The following NHLRC2 variants were observed in gnomAD, a reference collection of about 807,000 sequenced individuals.
The protein encoded by NHLRC2 is NHL repeat-containing protein 2.
Under a neutral mutation model 68.1 loss-of-function variants are expected in NHLRC2, and 33 were observed. The ratio of observed to expected loss-of-function variants is 0.48; its 90% confidence interval spans 0.37 to 0.65. The LOEUF (loss-of-function observed/expected upper bound fraction) is 0.65, where lower values mean the gene tolerates loss of function less well. NHLRC2 is among the 30% of genes least tolerant of loss of function. The pLI is 0.00. For missense variants in NHLRC2, 761 were observed against 853.8 expected, an observed-to-expected ratio of 0.89 and a Z score of 1.35; for synonymous variants, 311 against 309.6, an observed-to-expected ratio of 1.00 and a Z score of -0.05.
At chr10:113,900,132 T>C (rs989944902) in intron 6 of NHLRC2, among the ~76,000 whole-genome samples, 1 of 152,100 alleles carries the variant, frequency 6.6e-6, no homozygotes, top group Admixed American at 6.5e-5. Context: ...GTGAGTACTT[T>C]TAGGGATCTG....
chr10:113,898,554 T>G (rs925269876), intron 6 of NHLRC2, among the ~76,000 whole-genome samples: 2 of 152,178 alleles, frequency 1.3e-5, no homozygotes, highest in African/African-American at 4.8e-5. Flanking sequence ...ACTTACATTT[T>G]ATCAGCCAGA....
chr10:113,870,831 AATAG>A (rs1043885758), intron 2 of NHLRC2, among the ~76,000 whole-genome samples: 14 of 152,214 alleles, frequency 9.2e-5, no homozygotes, highest in African/African-American at 2.6e-4. Flanking sequence ...TTACCAATCT[AATAG>A]ATAGGAAGTG....
At chr10:113,877,069 CTAAT>C (rs1239859009) in intron 3 of NHLRC2, 93 bp downstream of exon 3, 5 of 755,982 alleles carry the variant, frequency 6.6e-6, no homozygotes, top group Non-Finnish European at 1.0e-5. Context: ...TAAATGAAAA[CTAAT>C]TATAGAAAAG....
chr10:113,898,204 G>A lies in NHLRC2; in HGVS notation c.1134G>A (p.Lys378=). 6.2e-7 allele frequency: 1 copy of A among 1,603,806 alleles called. No individual in the cohort carries two copies. The highest frequency in any genetic ancestry group is 8.5e-7 in the Non-Finnish European group (1 of 1,170,782). ...TGCTGGACTCTGGCAAACTGCCAAA[G>A]AAAAAGTAAGTGACAGCCTCTCTCT... The part of the protein sequence containing the change: ...ALLLDSGKLP[K]KNELTKGTCL... Residue 378 remains lysine (K), a synonymous_variant, in exon 6 of 11, where the codon AAG becomes AAA. Transcript: ENST00000369301.
Position 113,854,838 on chromosome 10 carries a change from G to C in NHLRC2, c.-35G>C, listed in dbSNP as rs925863416. On this transcript the variant is annotated 5_prime_UTR_variant, in exon 1 of 11. Coordinates refer to ENST00000369301, the MANE Select transcript of NHLRC2 (RefSeq NM_198514.4). ...GTCTCTCCCAGCGAGACTCTCCCGC[G>C]GGCCCGGCGGCCGCATCGGGAGCCC... 4.6e-6 allele frequency: 7 copies of C among 1,519,910 alleles called. No individual in the cohort carries two copies. Among genetic ancestry groups the C allele is most frequent in the Non-Finnish European group, 6.2e-6 (7 of 1,133,628 alleles). The allele number at this position is 1,519,910 out of a possible 1,614,324, so 94.2% of individuals were successfully genotyped here.
chr10:113,911,936 C>T lies in NHLRC2; in HGVS notation c.*3400C>T, dbSNP rs888029004. The T allele has an allele frequency of 1.3e-5, 2 of 151,820 alleles. No individual in the cohort carries two copies. The highest frequency in any genetic ancestry group is 4.8e-5 in the African/African-American group (2 of 41,338). The allele number at this position is 151,820 out of a possible 1,614,324, so 9.4% of individuals were successfully genotyped here. On this transcript the variant is annotated 3_prime_UTR_variant, in exon 11 of 11. Coordinates refer to ENST00000369301, the MANE Select transcript of NHLRC2 (RefSeq NM_198514.4). Reference sequence around the variant, plus strand: ...TTTAAAATCACGGTGGGGGGAAACCCATAAAGTTTAAAGAGTTAAAGTTAA... The same window carrying T: ...TTTAAAATCACGGTGGGGGGAAACCTATAAAGTTTAAAGAGTTAAAGTTAA...
chr10:113,896,416 A>T (rs1165487020), intron 5 of NHLRC2, among the ~76,000 whole-genome samples: 1 of 151,330 alleles, frequency 6.6e-6, no homozygotes, highest in Admixed American at 6.6e-5. Flanking sequence ...TATGGCAAGA[A>T]CAAAAAACCA....
At position 113,916,751 on chromosome 10, in the gene NHLRC2, T is replaced by C. The variant is rs913698722; in HGVS notation, c.*8215T>C. On this transcript the variant is annotated 3_prime_UTR_variant, in exon 11 of 11. Transcript: ENST00000369301. The stretch of plus-strand genomic sequence containing the variant: ...AAGTTTATGGTTTCATTTCTGAGAA[T>C]AGAGTTGGTCTGCTGTGCTAACTTC... 1.3e-5 allele frequency: 2 copies of C among 152,338 alleles called. No homozygotes were observed. The highest frequency in any genetic ancestry group is 2.1e-4 in the South Asian group (1 of 4,834). 9.4% of individuals were successfully genotyped at this position (152,338 alleles called of 1,614,324 possible). A position where few individuals can be genotyped will look rare whatever the true frequency, so the allele number is the denominator to read the frequency against.
intron 5 of NHLRC2, 144 bp downstream of exon 5, chr10:113,884,524 T>C (rs908915572): frequency 1.3e-5 from 7 of 520,362 alleles, no homozygotes; most frequent in Non-Finnish European, 2.3e-5. Context: ...TTGTTAATTG[T>C]GTAAAAACAA....
chr10:113,902,946 A>G (rs1290503331), intron 8 of NHLRC2, among the ~76,000 whole-genome samples: 1 of 152,238 alleles, frequency 6.6e-6, no homozygotes, highest in Non-Finnish European at 1.5e-5. Flanking sequence ...GCTGTTGCAT[A>G]GTTACAGTGC....
intron 2 of NHLRC2, among the ~76,000 whole-genome samples, chr10:113,860,541 G>A (rs1466079958): frequency 6.6e-6 from 1 of 151,994 alleles, no homozygotes; most frequent in African/African-American, 2.4e-5. Flanking sequence ...GAACAGGGAA[G>A]TACAGCCCAT....
intron 10 of NHLRC2, among the ~76,000 whole-genome samples, 197 bp downstream of exon 10, chr10:113,905,233 AC>A (rs1449195218): frequency 6.6e-6 from 1 of 152,230 alleles, no homozygotes; most frequent in Non-Finnish European, 1.5e-5. Flanking sequence ...TTATTAAAGA[AC>A]AGTGTAACTC....
rs756660590 is a variant in NHLRC2 at position 113,901,699 on chromosome 10, T to A, written c.1173T>A (p.Ala391=). The change falls in exon 7 of 11, where the codon GCT becomes GCA. Residue 391 remains alanine, a synonymous_variant. Coordinates refer to ENST00000369301, the MANE Select transcript of NHLRC2 (RefSeq NM_198514.4). ...ELTKGTCLRF[A]GSGNEENRNN... is the part of the protein sequence containing the mutation. ...CAAAAGGAACCTGCCTTAGGTTTGC[T>A]GGAAGTGGAAATGAAGAGAATCGAA... 6.2e-7 allele frequency: 1 copy of A among 1,614,166 alleles called. No homozygotes were observed. The highest frequency in any genetic ancestry group is 1.1e-5 in the South Asian group (1 of 91,084).
In NHLRC2 at chr10:113,911,650, A is replaced by G. The variant is rs902021337; in HGVS notation, c.*3114A>G. On this transcript the variant is annotated 3_prime_UTR_variant, in exon 11 of 11. Transcript: ENST00000369301. ...ATTTAGGAAGTTATTAAAAATACATATCTCTATAATGTAATAGTTTTCTGC... is the reference window on the plus strand; with the variant it reads ...ATTTAGGAAGTTATTAAAAATACATGTCTCTATAATGTAATAGTTTTCTGC... 2 of 152,156 alleles carry G rather than the reference A, an allele frequency of 1.3e-5. No homozygotes were observed. Among genetic ancestry groups the G allele is most frequent in the African/African-American group, 4.8e-5 (2 of 41,452 alleles). 9.4% of individuals were successfully genotyped at this position (152,156 alleles called of 1,614,324 possible). A position where few individuals can be genotyped will look rare whatever the true frequency, so the allele number is the denominator to read the frequency against.
rs192607390 is a variant in NHLRC2, at chr10:113,854,784, T to C, written c.-89T>C. On this transcript the variant is annotated 5_prime_UTR_variant, in exon 1 of 11. Coordinates refer to ENST00000369301, the MANE Select transcript of NHLRC2 (RefSeq NM_198514.4). ...AGTGGAGGGTGAGGTGAATGCGCCG[T>C]TTGGAAACCACAGGACAGTGAACGT... 14 of 1,168,078 alleles carry C rather than the reference T, an allele frequency of 1.2e-5. No homozygotes were observed. The highest frequency in any genetic ancestry group is 8.5e-5 in the Admixed American group (3 of 35,134). 72.4% of individuals were successfully genotyped at this position (1,168,078 alleles called of 1,614,324 possible). A position where few individuals can be genotyped will look rare whatever the true frequency, so the allele number is the denominator to read the frequency against.
rs139478363 is a variant in NHLRC2 at position 113,890,259 on chromosome 10, G to A, written c.1039+5879G>A. 1.1e-3 allele frequency among the ~76,000 whole-genome samples: 174 copies of A among 152,184 alleles called. 1 individual carries two copies. Among genetic ancestry groups the A allele is most frequent in the Non-Finnish European group, 2.2e-3 (152 of 67,972 alleles). ...GAAAAAGTATCTAGCTTTCATTTTTGAAAGTTATTTTTATTGCGTATGTGA... is the reference window on the plus strand; with the variant it reads ...GAAAAAGTATCTAGCTTTCATTTTTAAAAGTTATTTTTATTGCGTATGTGA... On this transcript the variant is annotated intron_variant, in intron 5 of 10. Coordinates refer to ENST00000369301, the MANE Select transcript of NHLRC2 (RefSeq NM_198514.4).
At chr10:113,862,316 T>A (rs1200648693) in intron 2 of NHLRC2, among the ~76,000 whole-genome samples, 1 of 150,892 alleles carries the variant, frequency 6.6e-6, no homozygotes, top group Non-Finnish European at 1.5e-5. Context: ...AGGAGCAGAG[T>A]TTTTGTGTGT....
chr10:113,904,778 A>C (rs749686422), intron 9 of NHLRC2, 39 bp from the exon 10 acceptor site: 1 of 1,418,866 alleles, frequency 7.0e-7, no homozygotes, highest in South Asian at 1.2e-5. Context: ...ATTAATATAA[A>C]GTTCTTGTGT....
At chr10:113,899,172 T>C (rs1357188096) in intron 6 of NHLRC2, among the ~76,000 whole-genome samples, 1 of 152,108 alleles carries the variant, frequency 6.6e-6, no homozygotes, top group Non-Finnish European at 1.5e-5. Flanking sequence ...TTTTAGCCAT[T>C]TCCTCCTACT....
Sources: allele counts gnomAD v4.1 joint callset (sites outside exome capture counted in the v4.1 genomes callset), GRCh38; gene constraint gnomAD v4.1.1; transcripts MANE v1.5; gene names NCBI Gene and HGNC (gene_info 2026-07-23, HGNC 2026-07-21).